Variants in FAM13C observed in about 807,000 individuals in gnomAD.
The protein encoded by FAM13C is protein FAM13C.
In FAM13C, 37 loss-of-function variants were observed where a neutral mutation model predicts 73.2. The ratio of observed to expected loss-of-function variants is 0.51; its 90% CI spans 0.39 to 0.67. The LOEUF (loss-of-function observed/expected upper bound fraction) is 0.67. Among genes scored for constraint, FAM13C ranks in the 30% least tolerant of loss-of-function variants. The pLI, the probability that FAM13C is intolerant of heterozygous loss-of-function variation, is 0.00. For synonymous variants in FAM13C, 246 were observed against 260.9 expected (o/e 0.94, Z 0.55); for missense variants, 589 against 715.6 (o/e 0.82, Z 2.02).
intron 3 of FAM13C, among the ~76,000 whole-genome samples, chr10:59,338,458 A>T (rs985655430): frequency 2.0e-5 from 3 of 152,204 alleles, no homozygotes; most frequent in Admixed American, 6.5e-5. Flanking sequence ...ACCTGGACTG[A>T]TGGTCAATAA....
At position 59,269,948 on chromosome 10, in the gene FAM13C, A is replaced by G. The variant is rs535596917; in HGVS notation, c.754T>C (p.Leu252=). The G allele has an allele frequency of 2.5e-6, 4 of 1,614,000 alleles. No individual in the cohort carries two copies. Among genetic ancestry groups the G allele is most frequent in the Non-Finnish European group, 3.4e-6 (4 of 1,179,902 alleles). ...GGAGATGGGGCTGACTCGGGGTCTAAGTTGAATCTCTGGCTTTGGCTGAAG... is the reference window on the plus strand; with the variant it reads ...GGAGATGGGGCTGACTCGGGGTCTAGGTTGAATCTCTGGCTTTGGCTGAAG... ...SIFSQSQRFN[L]DPESAPSPPS... Residue 252 remains leucine (L), a synonymous_variant, in exon 7 of 14, where the codon TTA becomes CTA. Transcript: ENST00000618804.
chr10:59,319,453 T>C (rs1849937946), intron 4 of FAM13C, among the ~76,000 whole-genome samples: 1 of 152,236 alleles, frequency 6.6e-6, no homozygotes, highest in Non-Finnish European at 1.5e-5. Flanking sequence ...TAAATTTTAA[T>C]ACAATATTTT....
chr10:59,276,665 C>G (rs1844353987), intron 6 of FAM13C, among the ~76,000 whole-genome samples: 1 of 152,174 alleles, frequency 6.6e-6, no homozygotes, highest in Non-Finnish European at 1.5e-5. Context: ...GAAAATAATT[C>G]AGTTCCAATC....
At chr10:59,265,332 G>T (rs796132598) in intron 8 of FAM13C, among the ~76,000 whole-genome samples, 1 of 46,000 alleles carries the variant, frequency 2.2e-5, no homozygotes, top group African/African-American at 1.4e-4. Context: ...CGGGGGGGGG[G>T]GGGAATCCTG....
intron 3 of FAM13C, among the ~76,000 whole-genome samples, chr10:59,333,738 C>A (rs1402752886): frequency 6.6e-6 from 1 of 152,144 alleles, no homozygotes; most frequent in Non-Finnish European, 1.5e-5. Context: ...TAGCAAGAAT[C>A]AAATTATTTT....
At chr10:59,277,665 T>G (rs1026332483) in intron 6 of FAM13C, among the ~76,000 whole-genome samples, 9 of 152,338 alleles carry the variant, frequency 5.9e-5, no homozygotes, top group African/African-American at 2.2e-4. Flanking sequence ...ATCTCTTCAG[T>G]CTGACAAGAC....
chr10:59,321,432 CTTTTTTT>C (rs1057110939), intron 4 of FAM13C, among the ~76,000 whole-genome samples: 1,115 of 58,058 alleles, frequency 0.019, 19 homozygotes, highest in African/African-American at 0.062. Context: ...CTGCCAACAC[CTTTTTTT>C]TTTTTTTTTT....
intron 12 of FAM13C, 30 bp from the exon 13 acceptor site, chr10:59,251,706 G>T: frequency 2.0e-6 from 3 of 1,491,210 alleles, no homozygotes; most frequent in Admixed American, 2.0e-5. Context: ...TGTCATTACT[G>T]GGCACTGGCA....
intron 3 of FAM13C, among the ~76,000 whole-genome samples, chr10:59,325,915 A>T (rs1019926137): frequency 6.6e-6 from 1 of 152,150 alleles, no homozygotes; most frequent in African/African-American, 2.4e-5. Context: ...ATATTATTTT[A>T]AATATTATAT....
intron 3 of FAM13C, among the ~76,000 whole-genome samples, chr10:59,326,693 A>G (rs992697419): frequency 1.3e-5 from 2 of 152,122 alleles, no homozygotes; most frequent in South Asian, 2.1e-4. Context: ...AGGATCACCT[A>G]TGGGCAAATA....
Position 59,270,083 on chromosome 10 carries a change from G to T in FAM13C, c.619C>A (p.Gln207Lys), listed in dbSNP as rs780002914. 1 of 1,613,316 alleles carries T rather than the reference G, an allele frequency of 6.2e-7. No homozygotes were observed. The highest frequency in any genetic ancestry group is 1.1e-5 in the South Asian group (1 of 91,064). Residue 207 changes from glutamine to lysine, a missense_variant, in exon 7 of 14, where the codon CAG becomes AAG. Transcript: ENST00000618804. ...TCTGGTGCACTGTCGGCCTCATTCT[G>T]CCCATCTTTGTGGACTGGTGAGGGG... ...ADPSPVHKDGQNEADSAPEDL... is the reference protein window; with the variant it reads ...ADPSPVHKDGKNEADSAPEDL...
At chr10:59,256,039 C>A (rs1194458959) in intron 10 of FAM13C, among the ~76,000 whole-genome samples, 2 of 152,144 alleles carry the variant, frequency 1.3e-5, no homozygotes, top group Non-Finnish European at 2.9e-5. Flanking sequence ...GTCTCACCTC[C>A]CTCTGTAGAA....
At chr10:59,292,085 A>G (rs1365803009) in intron 5 of FAM13C, among the ~76,000 whole-genome samples, 1 of 152,094 alleles carries the variant, frequency 6.6e-6, no homozygotes, top group Non-Finnish European at 1.5e-5. Context: ...ACTGCGCCTG[A>G]CCTATAAACT....
intron 8 of FAM13C, 97 bp from the exon 9 acceptor site, chr10:59,264,263 T>C (rs1378711189): frequency 2.5e-6 from 2 of 790,518 alleles, no homozygotes; most frequent in Non-Finnish European, 4.3e-6. Flanking sequence ...TTTAAACAGA[T>C]GAGCTACACA....
chr10:59,313,685 T>C (rs11006435), intron 4 of FAM13C, among the ~76,000 whole-genome samples: 189 of 152,252 alleles, frequency 1.2e-3, no homozygotes, highest in African/African-American at 4.2e-3. Flanking sequence ...AAGGTCTAGC[T>C]TAAAGATGTG....
chr10:59,264,078 G>T lies in FAM13C; in HGVS notation c.1024+7C>A, dbSNP rs771497792. 1 of 1,612,088 alleles carries T rather than the reference G, an allele frequency of 6.2e-7. No homozygotes were observed. The highest frequency in any genetic ancestry group is 1.7e-5 in the Admixed American group (1 of 59,966). ...GTGAGGAAAAAAGATCTTTGGCTGG[G>T]ATTTACCTTTGAGCTGTTTACGACC... On this transcript the variant is annotated splice_region_variant and intron_variant, in intron 9 of 13. Coordinates refer to ENST00000618804, the MANE Select transcript of FAM13C (RefSeq NM_198215.4).
chr10:59,255,346 G>GT (rs1366655216), intron 10 of FAM13C, among the ~76,000 whole-genome samples: 1 of 152,108 alleles, frequency 6.6e-6, no homozygotes, highest in Non-Finnish European at 1.5e-5. Flanking sequence ...CCCCTCTGCT[G>GT]TAAGACCCAT....
chr10:59,251,645 T>G lies in FAM13C; in HGVS notation c.1564A>C (p.Arg522=). 4 of 1,612,336 alleles carry G rather than the reference T, an allele frequency of 2.5e-6. No homozygotes were observed. Among genetic ancestry groups the G allele is most frequent in the Non-Finnish European group, 3.4e-6 (4 of 1,179,404 alleles). Residue 522 remains arginine, a synonymous_variant, in exon 13 of 14, where the codon AGG becomes CGG. Coordinates refer to ENST00000618804, the MANE Select transcript of FAM13C (RefSeq NM_198215.4). ...PVLLDHLRET[R]ADKKRLRKAL... is the part of the protein sequence containing the mutation. ...TTCCGCAGTCTCTTCTTGTCAGCCCTAGTTTCTCGGAGATGGTCAAGAAGT... is the reference window on the plus strand; with the variant it reads ...TTCCGCAGTCTCTTCTTGTCAGCCCGAGTTTCTCGGAGATGGTCAAGAAGT...
At chr10:59,283,278 A>G (rs1035001888) in intron 6 of FAM13C, 85 bp downstream of exon 6, 5 of 1,422,494 alleles carry the variant, frequency 3.5e-6, no homozygotes, top group African/African-American at 1.4e-5. Flanking sequence ...GTTTTCCCTC[A>G]GGGGCTCAGG....
Sources: gnomAD v4.1 joint callset for allele counts (sites outside exome capture counted in the v4.1 genomes callset) on GRCh38, gnomAD v4.1.1 for gene constraint, MANE v1.5 for transcripts, NCBI Gene and HGNC (gene_info 2026-07-23, HGNC 2026-07-21) for gene names.